NR1H3: variants seen among roughly 807,000 people sequenced by gnomAD.
NR1H3 encodes nuclear receptor subfamily 1 group H member 3, also known as oxysterols receptor LXR-alpha.
In NR1H3, 19 loss-of-function variants were observed where a neutral mutation model predicts 48.1. That is an observed-to-expected ratio of 0.40 (90% CI 0.28 to 0.58). NR1H3 has a LOEUF of 0.58. NR1H3 is among the 20% of genes least tolerant of loss of function. The pLI, the probability that NR1H3 is intolerant of heterozygous loss-of-function variation, is 0.50. For missense variants in NR1H3, 486 were observed against 595.9 expected (o/e 0.82, Z 1.92); for synonymous variants, 232 against 227.3 (o/e 1.02, Z -0.19).
In NR1H3 at chr11:47,260,271, C is replaced by T. The variant is rs929461288; in HGVS notation, c.233-138C>T. 14 of 1,237,240 alleles carry T rather than the reference C, an allele frequency of 1.1e-5. No individual in the cohort carries two copies. In the African/African-American group the frequency reaches 2.1e-4, roughly 19 times the overall value. The allele number at this position is 1,237,240 out of a possible 1,614,324, so 76.6% of individuals were successfully genotyped here. A position where few individuals can be genotyped will look rare whatever the true frequency, so the allele number is the denominator to read the frequency against. On this transcript the variant is annotated intron_variant, in intron 3 of 9. Transcript: ENST00000441012. ...AATGGCACTTGGCAAATGAGGGCTA[C>T]TCTTCTCATAAAAGAGAGACTGGAG...
At chr11:47,248,494 T>G, upstream of NR1H3, 1 of 1,550,522 alleles carries the variant, frequency 6.4e-7, no homozygotes, top group Non-Finnish European at 8.7e-7. Flanking sequence ...CCCCGACGTA[T>G]TCGGTCATCC....
intron 1 of NR1H3, 72 bp from the exon 2 acceptor site, chr11:47,259,108 C>A: frequency 6.3e-7 from 1 of 1,596,244 alleles, no homozygotes. Flanking sequence ...AAGGGAGGAT[C>A]AGGTGGAGAA....
In NR1H3 at chr11:47,268,268, C is replaced by T. The variant is rs775047309; in HGVS notation, c.1110C>T (p.Pro370=). The change falls in exon 9 of 10, where the codon CCC becomes CCT. Residue 370 remains proline, a synonymous_variant. Coordinates refer to ENST00000441012, the MANE Select transcript of NR1H3 (RefSeq NM_005693.4). ...TCTCTTGGTGACCTATAGACCGGCC[C>T]AACGTGCAGGACCAGCTCCAGGTAG... The part of the protein sequence containing the change: ...IAISIFSADR[P]NVQDQLQVER... The T allele has an allele frequency of 4.3e-6, 7 of 1,613,926 alleles. No homozygotes were observed. The South Asian group carries it at 4.4e-5, about 10-fold the overall frequency.
At position 47,266,893 on chromosome 11, in the gene NR1H3, G is replaced by A. The variant is rs542948547; in HGVS notation, c.989-1020G>A. Among the ~76,000 whole-genome samples, 130 of 151,792 alleles carry A rather than the reference G, an allele frequency of 8.6e-4. 1 individual carries two copies. Among genetic ancestry groups the A allele is most frequent in the Middle Eastern group, 3.4e-3 (1 of 294 alleles). On this transcript the variant is annotated intron_variant, in intron 7 of 9. Transcript: ENST00000441012. The stretch of plus-strand genomic sequence containing the variant: ...TGAACTCAGGTGATCCCCCTGCCTC[G>A]GCCTCCCAAAATACTGGGATTACAG...
At position 47,268,537 on chromosome 11, in the gene NR1H3, C is replaced by T. The variant is rs1329456931; in HGVS notation, c.1198-13C>T. 2 of 1,614,178 alleles carry T rather than the reference C, an allele frequency of 1.2e-6. No homozygotes were observed. The highest frequency in any genetic ancestry group is 8.5e-7 in the Non-Finnish European group (1 of 1,180,008). On this transcript the variant is annotated splice_polypyrimidine_tract_variant and intron_variant, in intron 9 of 9. Coordinates refer to ENST00000441012, the MANE Select transcript of NR1H3 (RefSeq NM_005693.4). ...ACAGGCAAAAGCTGTGTTTGTCTCT[C>T]TCCTTTCCCCAGGACCGACTGATGT...
Position 47,261,352 on chromosome 11 carries a change from C to T in NR1H3, c.611C>T (p.Pro204Leu). The change falls in exon 5 of 10, where the codon CCC (proline) becomes CTC (leucine). Residue 204 changes from proline to leucine, a missense_variant. Pro to Leu is a moderately conservative substitution (Grantham distance 98). Transcript: ENST00000441012. ...GCTTCCTCACCCCCCCAAATCCTGC[C>T]CCAGCTCAGCCCGGAACAACTGGGC... is the stretch of plus-strand genomic sequence containing the variant. Reference protein sequence around the residue: ...PRASSPPQILPQLSPEQLGMI... With the variant: ...PRASSPPQILLQLSPEQLGMI... The T allele has an allele frequency of 6.2e-7, 1 of 1,614,122 alleles. No homozygotes were observed. Among genetic ancestry groups the T allele is most frequent in the Non-Finnish European group, 8.5e-7 (1 of 1,180,026 alleles).
At chr11:47,256,116 G>A (rs1300421835), upstream of NR1H3, among the ~76,000 whole-genome samples, 2 of 150,616 alleles carry the variant, frequency 1.3e-5, no homozygotes, top group Admixed American at 6.6e-5. Flanking sequence ...GCACAATCTC[G>A]GCTCACTGCA....
upstream of NR1H3, among the ~76,000 whole-genome samples, chr11:47,256,033 T>C (rs1955140681): frequency 6.6e-6 from 1 of 151,824 alleles, no homozygotes; most frequent in Non-Finnish European, 1.5e-5. Context: ...CCTATTTTAT[T>C]TATCTTTCTT....
intron 1 of NR1H3, 59 bp from the exon 2 acceptor site, chr11:47,259,121 G>C (rs918696931): frequency 1.2e-6 from 2 of 1,604,590 alleles, no homozygotes; most frequent in African/African-American, 2.7e-5. Context: ...GTGGAGAAGG[G>C]AGCTGAGGCC....
intron 1 of NR1H3, among the ~76,000 whole-genome samples, chr11:47,250,909 C>T (rs1241190773): frequency 3.9e-5 from 6 of 152,238 alleles, no homozygotes; most frequent in Admixed American, 2.0e-4. Context: ...CCTGTAATCC[C>T]GGCACTTTGG....
chr11:47,249,010 C>G lies in NR1H3; in HGVS notation c.-93+11C>G, dbSNP rs931352561. 2.7e-6 allele frequency: 4 copies of G among 1,475,678 alleles called. No homozygotes were observed. The African/African-American group carries it at 4.2e-5, about 16-fold the overall frequency. 91.4% of individuals were successfully genotyped at this position (1,475,678 alleles called of 1,614,324 possible). On this transcript the variant is annotated intron_variant, in intron 1 of 8. Transcript: ENST00000395397. Reference sequence around the variant, plus strand: ...GAGGAGCATAAGAAGGTAACGCGACCTGGCGCGGCAGACAGGGCTCGAAGA... The same window carrying G: ...GAGGAGCATAAGAAGGTAACGCGACGTGGCGCGGCAGACAGGGCTCGAAGA...
At chr11:47,261,094 ATCT>A (rs1955800991) in intron 4 of NR1H3, 144 bp from the exon 5 acceptor site, 2 of 642,210 alleles carry the variant, frequency 3.1e-6, no homozygotes, top group Admixed American at 3.0e-5. Context: ...AAAAAAAAAA[ATCT>A]TCTTGCCTTT....
chr11:47,267,128 G>T (rs1956570546), intron 7 of NR1H3, among the ~76,000 whole-genome samples: 1 of 151,864 alleles, frequency 6.6e-6, no homozygotes, highest in African/African-American at 2.4e-5. Context: ...GCAACATGGT[G>T]AAATCCTGTC....
chr11:47,253,565 G>A (rs1038539113), upstream of NR1H3, among the ~76,000 whole-genome samples: 1 of 152,180 alleles, frequency 6.6e-6, no homozygotes, highest in Non-Finnish European at 1.5e-5. Context: ...CGGTGAAGGA[G>A]GGAACAAGAA....
rs188023382 is a variant in NR1H3, at chr11:47,252,548, C to T, written c.-93+3549C>T. Among the ~76,000 whole-genome samples, 44 of 147,126 alleles carry T rather than the reference C, an allele frequency of 3.0e-4. No homozygotes were observed. The East Asian group carries it at 6.9e-3, about 23-fold the overall frequency. ...TGCTGGGATTACAGGTGTGAGCCACCGCACCCACCCGGCTGTTTTTTTTGT... is the reference window on the plus strand; with the variant it reads ...TGCTGGGATTACAGGTGTGAGCCACTGCACCCACCCGGCTGTTTTTTTTGT... On this transcript the variant is annotated intron_variant, in intron 1 of 8. Coordinates refer to the NR1H3 transcript ENST00000395397.
Position 47,262,020 on chromosome 11 carries a change from T to C in NR1H3, c.988+2T>C. ...ACCGGGAAGACTTTGCCAAAGCAGG[T>C]GAGAACTGAGATCACACAGGGATTG... On this transcript the variant is annotated splice_donor_variant, in intron 7 of 9. Coordinates refer to ENST00000441012, the MANE Select transcript of NR1H3 (RefSeq NM_005693.4). LOFTEE classifies it high-confidence loss of function. The C allele has an allele frequency of 6.2e-7, 1 of 1,600,246 alleles. No individual in the cohort carries two copies. The highest frequency in any genetic ancestry group is 8.6e-7 in the Non-Finnish European group (1 of 1,167,670).
At position 47,268,663 on chromosome 11, in the gene NR1H3, G is replaced by C. The variant is rs1421836584; in HGVS notation, c.1311G>C (p.Pro437=). Residue 437 remains proline (P), a synonymous_variant, in exon 10 of 10, where the codon CCG becomes CCC. Transcript: ENST00000441012. The part of the protein sequence containing the change: ...ALRLQDKKLP[P]LLSEIWDVHE ...GTCTGCAGGACAAAAAGCTCCCACC[G>C]CTGCTCTCTGAGATCTGGGATGTGC... The C allele has an allele frequency of 6.2e-7, 1 of 1,614,038 alleles. No homozygotes were observed. Among genetic ancestry groups the C allele is most frequent in the African/African-American group, 1.3e-5 (1 of 74,936 alleles).
At chr11:47,251,623 T>A (rs559233026) in intron 1 of NR1H3, among the ~76,000 whole-genome samples, 113 of 150,862 alleles carry the variant, frequency 7.5e-4, no homozygotes, top group Admixed American at 1.5e-3. Flanking sequence ...AAAAAAAAAA[T>A]AAAATAAAGA....
chr11:47,262,169 G>C (rs1780801983), intron 7 of NR1H3, 151 bp downstream of exon 7: 4 of 616,506 alleles, frequency 6.5e-6, no homozygotes, highest in Non-Finnish European at 1.2e-5. Flanking sequence ...CACCAGGTCA[G>C]TAGATCAAGA....
Sources: allele counts gnomAD v4.1 joint callset (sites outside exome capture counted in the v4.1 genomes callset), GRCh38; gene constraint gnomAD v4.1.1; transcripts MANE v1.5; gene names NCBI Gene and HGNC (gene_info 2026-07-23, HGNC 2026-07-21).